Variants in NTRK3 observed in about 807,000 individuals in gnomAD.
NTRK3 encodes neurotrophic receptor tyrosine kinase 3, also known as NT-3 growth factor receptor.
A neutral mutation model predicts 91.7 loss-of-function variants in NTRK3; 24 were observed. The ratio of observed to expected loss-of-function variants is 0.26; its 90% CI spans 0.19 to 0.37. The LOEUF is 0.37. NTRK3 is among the 10% of genes least tolerant of loss of function. The pLI is 1.00. For missense variants in NTRK3, 880 were observed against 1,068.9 expected (o/e 0.82, Z 2.46); for synonymous variants, 483 against 404.0 (o/e 1.20, Z -2.34).
intron 3 of NTRK3, among the ~76,000 whole-genome samples, chr15:88,186,408 G>A (rs981051119): frequency 1.3e-5 from 2 of 152,126 alleles, no homozygotes; most frequent in Non-Finnish European, 2.9e-5. Context: ...CTGAGATATG[G>A]CAGAGAAATG....
exon 3 of NTRK3, chr15:88,256,087 G>T (rs1229340087): frequency 6.2e-7 from 1 of 1,611,344 alleles, no homozygotes; most frequent in Non-Finnish European, 8.5e-7. Context: ...ACATAGTCCA[G>T]CCAGACGCTT....
intron 14 of NTRK3, among the ~76,000 whole-genome samples, chr15:87,950,422 T>G (rs1458032890): frequency 2.0e-5 from 3 of 152,144 alleles, no homozygotes; most frequent in African/African-American, 7.2e-5. Context: ...TCATTTGGTC[T>G]ATAAAAGAGA....
chr15:87,915,369 G>A (rs1246744049), intron 17 of NTRK3, among the ~76,000 whole-genome samples: 2 of 152,176 alleles, frequency 1.3e-5, no homozygotes, highest in African/African-American at 4.8e-5. Context: ...CACACACTAA[G>A]GACATCTGGA....
intron 18 of NTRK3, among the ~76,000 whole-genome samples, chr15:87,878,469 C>A (rs1286280023): frequency 1.3e-5 from 2 of 152,156 alleles, no homozygotes; most frequent in African/African-American, 4.8e-5. Flanking sequence ...CCTGATAAGT[C>A]TCCAGCTGCT....
At chr15:88,216,395 A>G (rs2049771415) in intron 3 of NTRK3, among the ~76,000 whole-genome samples, 1 of 152,186 alleles carries the variant, frequency 6.6e-6, no homozygotes, top group Non-Finnish European at 1.5e-5. Flanking sequence ...GAAAGAGCTC[A>G]CCCCTGTGGG....
chr15:88,086,730 C>T (rs368615887), intron 13 of NTRK3, among the ~76,000 whole-genome samples: 3 of 152,100 alleles, frequency 2.0e-5, no homozygotes, highest in Non-Finnish European at 4.4e-5. Flanking sequence ...GTTTGGAGTA[C>T]GCAGGTGGTT....
rs117978075 is a variant in NTRK3 at position 88,084,971 on chromosome 15, A to G, written c.1396+41300T>C. On this transcript the variant is annotated intron_variant, in intron 13 of 18. Coordinates refer to ENST00000394480, the Ensembl canonical transcript of NTRK3. ...ATGTGCTGCACAGCTGGGATAACCT[A>G]TATATCAGGGACTGATTTGACTGGT... 3.3e-4 allele frequency among the ~76,000 whole-genome samples: 50 copies of G among 152,328 alleles called. No individual in the cohort carries two copies. In the East Asian group the frequency reaches 5.0e-3, roughly 15 times the overall value.
chr15:87,991,372 A>G (rs2075275262), intron 14 of NTRK3, among the ~76,000 whole-genome samples: 1 of 152,138 alleles, frequency 6.6e-6, no homozygotes, highest in South Asian at 2.1e-4. Context: ...TCCTCAGATG[A>G]TTTCTATGCA....
chr15:88,023,228 T>G (rs1282152102), intron 14 of NTRK3, among the ~76,000 whole-genome samples: 2 of 152,152 alleles, frequency 1.3e-5, no homozygotes, highest in African/African-American at 4.8e-5. Context: ...CCAGGACTTA[T>G]TTGCTTGGCT....
chr15:87,919,870 T>C (rs2067732907), intron 17 of NTRK3, among the ~76,000 whole-genome samples: 1 of 152,178 alleles, frequency 6.6e-6, no homozygotes, highest in Non-Finnish European at 1.5e-5. Context: ...AGCTATGGTC[T>C]AGGGTCAAAG....
chr15:87,937,339 G>C (rs183826369), intron 15 of NTRK3, among the ~76,000 whole-genome samples: 166 of 152,306 alleles, frequency 1.1e-3, no homozygotes, highest in Non-Finnish European at 2.0e-3. Flanking sequence ...AGTTTTTATG[G>C]AAGCTAGGAT....
intron 14 of NTRK3, among the ~76,000 whole-genome samples, chr15:87,976,958 GAGA>G (rs1179974251): frequency 1.4e-5 from 2 of 146,740 alleles, no homozygotes. Context: ...CAGCTCTCAA[GAGA>G]AGATTTCTGT....
intron 3 of NTRK3, among the ~76,000 whole-genome samples, chr15:88,196,175 G>C (rs2047800196): frequency 6.6e-6 from 1 of 152,196 alleles, no homozygotes; most frequent in Admixed American, 6.5e-5. Context: ...CAAAGCTTGG[G>C]GCATTTTCAT....
chr15:88,052,748 G>A lies in NTRK3; in HGVS notation c.1397-19703C>T, dbSNP rs1426026449. On this transcript the variant is annotated intron_variant, in intron 13 of 18. Transcript: ENST00000394480. ...TAATGGAGGTGGAGGGTGTCAGGGA[G>A]GGGAGTATAGGTGCAGAAGTTTGCT... Among the ~76,000 whole-genome samples the A allele has an allele frequency of 2.6e-5, 4 of 152,300 alleles. No homozygotes were observed. The East Asian group carries it at 7.7e-4, about 29-fold the overall frequency.
intron 14 of NTRK3, among the ~76,000 whole-genome samples, chr15:88,006,685 T>C (rs1456767067): frequency 2.0e-5 from 3 of 152,174 alleles, no homozygotes; most frequent in Non-Finnish European, 4.4e-5. Context: ...AACGGGCTAG[T>C]ACATCCGTAG....
chr15:87,890,449 A>T (rs528152247), intron 17 of NTRK3, among the ~76,000 whole-genome samples: 1 of 152,292 alleles, frequency 6.6e-6, no homozygotes, highest in African/African-American at 2.4e-5. Context: ...GACCGGTAAG[A>T]TAAATTCATT....
At chr15:87,951,656 CTT>C (rs1328866403) in intron 14 of NTRK3, among the ~76,000 whole-genome samples, 2 of 152,202 alleles carry the variant, frequency 1.3e-5, no homozygotes, top group Non-Finnish European at 2.9e-5. Flanking sequence ...TCCACAGAGA[CTT>C]GGGAGGCCTT....
chr15:87,864,224 T>C (rs575777567), exon 19 of NTRK3: 2 of 232,656 alleles, frequency 8.6e-6, no homozygotes, highest in East Asian at 1.2e-4. Flanking sequence ...CAAGAAGAGT[T>C]CTTGATGCTG....
At position 88,086,906 on chromosome 15, in the gene NTRK3, A is replaced by C. The variant is rs78075502; in HGVS notation, c.1396+39365T>G. On this transcript the variant is annotated intron_variant, in intron 13 of 18. Coordinates refer to ENST00000394480, the Ensembl canonical transcript of NTRK3. ...GGAGCTTTTCAGTGGGCCAAGCCTA[A>C]TTGAATAAAAGTCATGGCCTCCTTC... Among the ~76,000 whole-genome samples, 764 of 152,294 alleles carry C rather than the reference A, an allele frequency of 5.0e-3. 3 individuals carry two copies. The highest frequency in any genetic ancestry group is 0.018 in the African/African-American group (744 of 41,548).
Sources: allele counts gnomAD v4.1 joint callset (sites outside exome capture counted in the v4.1 genomes callset), GRCh38; gene constraint gnomAD v4.1.1; transcripts MANE v1.5; gene names NCBI Gene and HGNC (gene_info 2026-07-23, HGNC 2026-07-21).